The following RNF20 variants were observed in gnomAD, a reference collection of about 807,000 sequenced individuals.
RNF20 encodes the protein ring finger protein 20.
RNF20 carries 84 observed loss-of-function variants against 126.2 expected under a neutral mutation model. The ratio of observed to expected loss-of-function variants is 0.67; its 90% confidence interval spans 0.56 to 0.80. The LOEUF (loss-of-function observed/expected upper bound fraction) is 0.80, where lower values mean the gene tolerates loss of function less well. Among genes scored for constraint, RNF20 ranks in the 30% least tolerant of loss-of-function variants. The pLI is 0.00. For missense variants in RNF20, 869 were observed against 1,188.2 expected, an observed-to-expected ratio of 0.73 and a Z score of 3.95; for synonymous variants, 400 against 414.3, an observed-to-expected ratio of 0.97 and a Z score of 0.42.
At position 101,562,588 on chromosome 9, in the gene RNF20, T is replaced by C; in HGVS notation, c.*166T>C. 1 of 598,592 alleles carries C rather than the reference T, an allele frequency of 1.7e-6. No homozygotes were observed. The highest frequency in any genetic ancestry group is 2.8e-6 in the Non-Finnish European group (1 of 354,294). 37.1% of individuals were successfully genotyped at this position (598,592 alleles called of 1,614,324 possible). On this transcript the variant is annotated 3_prime_UTR_variant, in exon 20 of 20. Transcript: ENST00000389120. ...CTCTCCTCTTCAGTAGCTGGATGAC[T>C]TTAGCAGAAAGGACTGGTAAATACA...
chr9:101,554,284 G>T (rs1223403379), intron 14 of RNF20, among the ~76,000 whole-genome samples, 179 bp downstream of exon 14: 2 of 152,170 alleles, frequency 1.3e-5, no homozygotes, highest in East Asian at 3.8e-4. Flanking sequence ...CCATAGGATG[G>T]TAAAATATAT....
intron 10 of RNF20, among the ~76,000 whole-genome samples, chr9:101,551,292 A>C (rs1827440526): frequency 6.6e-6 from 1 of 152,200 alleles, no homozygotes; most frequent in Admixed American, 6.5e-5. Context: ...TTTCTTAAAC[A>C]AAAAGCATAT....
At chr9:101,547,092 A>C (rs1827363007) in intron 7 of RNF20, 45 bp from the exon 8 acceptor site, 1 of 1,607,136 alleles carries the variant, frequency 6.2e-7, no homozygotes, top group Admixed American at 1.7e-5. Flanking sequence ...TTATAGACTG[A>C]AATCTTAAGA....
At position 101,540,642 on chromosome 9, in the gene RNF20, G is replaced by A. The variant is rs1588216933; in HGVS notation, c.445+5G>A. The A allele has an allele frequency of 6.2e-7, 1 of 1,614,056 alleles. No individual in the cohort carries two copies. Among genetic ancestry groups the A allele is most frequent in the Non-Finnish European group, 8.5e-7 (1 of 1,179,988 alleles). On this transcript the variant is annotated splice_donor_5th_base_variant and intron_variant, in intron 4 of 19. Coordinates refer to ENST00000389120, the MANE Select transcript of RNF20 (RefSeq NM_019592.7). ...GTAAAGATGACCGAGAGAGAGGCAA[G>A]TGTTCGTGATGGATTCTATCACTGC...
intron 3 of RNF20, 28 bp from the exon 4 acceptor site, chr9:101,540,458 GTTTC>G: frequency 1.2e-6 from 2 of 1,611,394 alleles, no homozygotes; most frequent in Non-Finnish European, 1.7e-6. Context: ...TGTGTCCTTT[GTTTC>G]TTCATAATTG....
In RNF20 at chr9:101,544,813, C is replaced by T. The variant is rs763268347; in HGVS notation, c.675C>T (p.Leu225=). 32 of 1,613,318 alleles carry T rather than the reference C, an allele frequency of 2.0e-5. No individual in the cohort carries two copies. The highest frequency in any genetic ancestry group is 2.5e-5 in the Non-Finnish European group (29 of 1,179,462). Residue 225 remains leucine (L), a synonymous_variant, in exon 6 of 20, where the codon CTC becomes CTT. Transcript: ENST00000389120. ...CAGTGCAGGAGCTGAACTCTTTCCT[C>T]GCACAGGAGAATATGAGGCTACAGG... ...EEAVQELNSF[L]AQENMRLQEL...
rs1438611454 is a variant in RNF20 at position 101,544,732 on chromosome 9, A to G, written c.629-35A>G. ...AAAAAAAAAAAAAAAATGACACTCT[A>G]GATGCTAAATTAAAGTATAGTTCTT... On this transcript the variant is annotated intron_variant, in intron 5 of 19. Transcript: ENST00000389120. 2.9e-6 allele frequency: 4 copies of G among 1,370,910 alleles called. No individual in the cohort carries two copies. In the South Asian group the frequency reaches 3.5e-5, roughly 12 times the overall value. The allele number at this position is 1,370,910 out of a possible 1,614,324, so 84.9% of individuals were successfully genotyped here. A position where few individuals can be genotyped will look rare whatever the true frequency, so the allele number is the denominator to read the frequency against.
chr9:101,558,191 CCAAGTCACCAAAGTTT>C (rs1471274414), intron 16 of RNF20, among the ~76,000 whole-genome samples: 2 of 151,880 alleles, frequency 1.3e-5, no homozygotes, highest in Non-Finnish European at 2.9e-5. Flanking sequence ...CCTCCCTCCG[CCAAGTCACCAAAGTTT>C]ATTGTATCAT....
Position 101,554,693 on chromosome 9 carries a change from G to T in RNF20, c.2020-1G>T. ...TTTGTGCAATTCCTTTCCTCTTATA[G>T]TTGGAAGATCTAAGGCAAAGACTCA... On this transcript the variant is annotated splice_acceptor_variant, in intron 14 of 19. Transcript: ENST00000389120. LOFTEE classifies it high-confidence loss of function. 6.2e-7 allele frequency: 1 copy of T among 1,610,234 alleles called. No individual in the cohort carries two copies. The highest frequency in any genetic ancestry group is 8.5e-7 in the Non-Finnish European group (1 of 1,177,710).
intron 5 of RNF20, among the ~76,000 whole-genome samples, chr9:101,542,132 T>C (rs770876119): frequency 6.6e-6 from 1 of 152,214 alleles, no homozygotes; most frequent in Non-Finnish European, 1.5e-5. Context: ...ATTGTATTAT[T>C]CTGTAATTTT....
chr9:101,551,213 T>C (rs370512034), intron 10 of RNF20, among the ~76,000 whole-genome samples: 9 of 152,276 alleles, frequency 5.9e-5, no homozygotes, highest in African/African-American at 2.2e-4. Context: ...GCATGAGAAA[T>C]AGTTTAATAT....
intron 9 of RNF20, among the ~76,000 whole-genome samples, chr9:101,548,026 A>G (rs1030485235): frequency 6.6e-6 from 1 of 152,196 alleles, no homozygotes; most frequent in Non-Finnish European, 1.5e-5. Flanking sequence ...CCAACAACAA[A>G]CTCTATAAAA....
intron 5 of RNF20, among the ~76,000 whole-genome samples, chr9:101,542,061 C>T (rs922673223): frequency 6.6e-6 from 1 of 152,128 alleles, no homozygotes; most frequent in African/African-American, 2.4e-5. Flanking sequence ...TTTAACCTTT[C>T]ATTTCTGAAG....
At chr9:101,560,380 T>G (rs750563634) in intron 16 of RNF20, among the ~76,000 whole-genome samples, 31 of 152,172 alleles carry the variant, frequency 2.0e-4, no homozygotes, top group Non-Finnish European at 4.1e-4. Flanking sequence ...TGATTTTACT[T>G]TTTACACTTT....
Position 101,550,699 on chromosome 9 carries a change from C to T in RNF20, c.1186C>T (p.Leu396=), listed in dbSNP as rs770823176. 2.5e-6 allele frequency: 4 copies of T among 1,614,134 alleles called. No individual in the cohort carries two copies. In the Admixed American group the frequency reaches 5.0e-5, roughly 20 times the overall value. ...SQFSVLYNES[L]QLKAHLDEAR... ...GTTCTCCGTCTTGTATAATGAGAGC[C>T]TACAGTTGAAAGCACACTTGGATGA... Residue 396 remains leucine (L), a synonymous_variant, in exon 10 of 20, where the codon CTA becomes TTA. Coordinates refer to ENST00000389120, the MANE Select transcript of RNF20 (RefSeq NM_019592.7).
At position 101,547,118 on chromosome 9, in the gene RNF20, A is replaced by G. The variant is rs1323684084; in HGVS notation, c.895-19A>G. The G allele has an allele frequency of 6.2e-7, 1 of 1,612,336 alleles. No homozygotes were observed. The highest frequency in any genetic ancestry group is 1.7e-5 in the Admixed American group (1 of 59,990). On this transcript the variant is annotated intron_variant, in intron 7 of 19. Transcript: ENST00000389120. ...AATCTTAAGAGTCTCTCACTAAAGA[A>G]TCTTTGTGTTCTCTGTAGGTGAATT...
Position 101,547,230 on chromosome 9 carries a change from C to T in RNF20, c.972+16C>T. On this transcript the variant is annotated intron_variant, in intron 8 of 19. Transcript: ENST00000389120. ...TGCTCGGAAGGTAAAATCAGTGACT[C>T]AGGACATGTTTTGGACTGTATGTCA... 6.2e-7 allele frequency: 1 copy of T among 1,613,456 alleles called. No individual in the cohort carries two copies. Among genetic ancestry groups the T allele is most frequent in the South Asian group, 1.1e-5 (1 of 91,058 alleles).
chr9:101,537,830 A>G (rs570471508), intron 2 of RNF20, among the ~76,000 whole-genome samples: 14 of 152,342 alleles, frequency 9.2e-5, no homozygotes, highest in Admixed American at 8.5e-4. Flanking sequence ...ATATTTAATA[A>G]TAGTTCACTG....
At chr9:101,557,320 C>T in intron 15 of RNF20, 64 bp from the exon 16 acceptor site, 2 of 1,232,094 alleles carry the variant, frequency 1.6e-6, no homozygotes, top group Non-Finnish European at 2.4e-6. Context: ...AATTTAGTTT[C>T]CTGTGCTCTT....
Sources: gnomAD v4.1 joint callset for allele counts (sites outside exome capture counted in the v4.1 genomes callset) on GRCh38, gnomAD v4.1.1 for gene constraint, MANE v1.5 for transcripts, NCBI Gene and HGNC (gene_info 2026-07-23, HGNC 2026-07-21) for gene names.